The following ELMO1 variants were observed in gnomAD, a reference collection of about 807,000 sequenced individuals.
ELMO1 encodes the protein engulfment and cell motility protein 1.
In ELMO1, 26 loss-of-function variants were observed where a neutral mutation model predicts 98.9. That is an observed-to-expected ratio of 0.26 (90% CI 0.19 to 0.36). The LOEUF is 0.36. Among genes scored for constraint, ELMO1 ranks in the 10% least tolerant of loss-of-function variants. The probability of loss-of-function intolerance (pLI) is 1.00; values close to 1 mark genes in which losing one functional copy is unlikely to be tolerated. For synonymous variants in ELMO1, 346 were observed against 346.0 expected (o/e 1.00, Z 0.00); for missense variants, 627 against 935.2 (o/e 0.67, Z 4.30).
intron 7 of ELMO1, among the ~76,000 whole-genome samples, chr7:37,242,690 G>A (rs1270862765): frequency 6.6e-6 from 1 of 152,204 alleles, no homozygotes; most frequent in African/African-American, 2.4e-5. Context: ...ATTAAAGTGT[G>A]CATTTGCACT....
At chr7:37,134,570 A>AG (rs1412612776) in intron 13 of ELMO1, among the ~76,000 whole-genome samples, 1 of 151,682 alleles carries the variant, frequency 6.6e-6, no homozygotes, top group African/African-American at 2.4e-5. Context: ...AAAAAAAAAA[A>AG]AAAAAGAAGA....
intron 17 of ELMO1, among the ~76,000 whole-genome samples, chr7:36,887,966 C>G (rs1390943635): frequency 6.6e-6 from 1 of 152,150 alleles, no homozygotes; most frequent in Non-Finnish European, 1.5e-5. Context: ...TTTTACAAAG[C>G]CACGGATACA....
rs538542737 is a variant in ELMO1 at position 37,043,477 on chromosome 7, T to C, written c.1301-30042A>G. Among the ~76,000 whole-genome samples the C allele has an allele frequency of 2.0e-3, 312 of 152,236 alleles. 2 individuals carry two copies. Among genetic ancestry groups the C allele is most frequent in the African/African-American group, 7.3e-3 (305 of 41,536 alleles). On this transcript the variant is annotated intron_variant, in intron 15 of 21. Coordinates refer to ENST00000310758, the MANE Select transcript of ELMO1 (RefSeq NM_014800.11). The stretch of plus-strand genomic sequence containing the variant: ...TGGCAAAGCGGCCACACAGGAGGTT[T>C]TGGAGTGATGCAAATGGTCAGATCT...
At chr7:36,954,531 C>G (rs1046161272) in intron 16 of ELMO1, among the ~76,000 whole-genome samples, 11 of 152,142 alleles carry the variant, frequency 7.2e-5, no homozygotes, top group Non-Finnish European at 1.2e-4. Context: ...GATCCTCCCC[C>G]ACAAGCACAA....
At chr7:37,043,814 G>A (rs1283079406) in intron 15 of ELMO1, among the ~76,000 whole-genome samples, 2 of 152,048 alleles carry the variant, frequency 1.3e-5, no homozygotes, top group Non-Finnish European at 2.9e-5. Context: ...AGGAACTGGG[G>A]CCAAAGGCTA....
rs759216782 is a variant in ELMO1, at chr7:36,887,580, A to G, written c.1694T>C (p.Leu565Pro). The G allele has an allele frequency of 6.2e-7, 1 of 1,614,080 alleles. No homozygotes were observed. Residue 565 changes from leucine to proline, a missense_variant, in exon 18 of 22, where the codon CTC becomes CCC. Leu to Pro is a moderately conservative substitution (Grantham distance 98). Coordinates refer to ENST00000310758, the MANE Select transcript of ELMO1 (RefSeq NM_014800.11). ...AATACCTTGCCTCCGCCGGGCATTGAGTTTCCTAAAGCAGGTCCCTTCCAC... is the reference window on the plus strand; with the variant it reads ...AATACCTTGCCTCCGCCGGGCATTGGGTTTCCTAAAGCAGGTCCCTTCCAC... ...RLVEGTCFRKLNARRRQDKFW... is the reference protein window; with the variant it reads ...RLVEGTCFRKPNARRRQDKFW...
intron 13 of ELMO1, among the ~76,000 whole-genome samples, chr7:37,200,065 A>C (rs1045238460): frequency 1.3e-5 from 2 of 152,038 alleles, no homozygotes; most frequent in Non-Finnish European, 2.9e-5. Context: ...ATGTGCAGCT[A>C]CAACTTGTTT....
intron 4 of ELMO1, among the ~76,000 whole-genome samples, chr7:37,297,855 G>T (rs1315627781): frequency 1.3e-5 from 2 of 152,110 alleles, no homozygotes; most frequent in East Asian, 3.8e-4. Context: ...TGTTATGATG[G>T]CTGCTATATA....
At chr7:37,202,597 T>C (rs752966929) in intron 13 of ELMO1, among the ~76,000 whole-genome samples, 8 of 152,262 alleles carry the variant, frequency 5.3e-5, no homozygotes, top group Non-Finnish European at 1.2e-4. Context: ...AGGCAGTTTC[T>C]GGCTTTAAAA....
intron 6 of ELMO1, among the ~76,000 whole-genome samples, chr7:37,256,727 GAA>G (rs1795678454): frequency 5.0e-5 from 2 of 40,288 alleles, no homozygotes; most frequent in South Asian, 1.3e-3. Context: ...GGGGCAGGGG[GAA>G]GGGAAGGGAA....
chr7:37,204,499 G>A (rs1036875018), intron 13 of ELMO1, among the ~76,000 whole-genome samples: 14 of 152,098 alleles, frequency 9.2e-5, no homozygotes, highest in Non-Finnish European at 1.5e-4. Context: ...TCATAAAGGC[G>A]GCACAGACCC....
In ELMO1 at chr7:36,854,687, C is replaced by G. The variant is rs180678558; in HGVS notation, c.*864G>C. On this transcript the variant is annotated 3_prime_UTR_variant, in exon 22 of 22. Transcript: ENST00000310758. ...CCTCCCAGGAGAAGGTAACACCAAACGCTTGGATAGCAACAGTCCGTCCTA... is the reference window on the plus strand; with the variant it reads ...CCTCCCAGGAGAAGGTAACACCAAAGGCTTGGATAGCAACAGTCCGTCCTA... The G allele has an allele frequency of 6.6e-6, 1 of 152,608 alleles. No individual in the cohort carries two copies. Among genetic ancestry groups the G allele is most frequent in the Non-Finnish European group, 1.5e-5 (1 of 68,052 alleles). The allele number at this position is 152,608 out of a possible 1,614,324, so 9.5% of individuals were successfully genotyped here.
In ELMO1 at chr7:37,254,965, AGGTGGAGATGT is replaced by A. The variant is rs1430061079; in HGVS notation, c.413+4205_413+4215del. ...TAGTGAATCTTTTGGACTGTTCTGC[AGGTGGAGATGT>A]GTCATAAAGTAAGGCCACAGCACTG... On this transcript the variant is annotated intron_variant, in intron 6 of 21. Coordinates refer to ENST00000310758, the MANE Select transcript of ELMO1 (RefSeq NM_014800.11). 8.5e-5 allele frequency among the ~76,000 whole-genome samples: 13 copies of A among 152,346 alleles called. No homozygotes were observed. The East Asian group carries it at 2.5e-3, about 29-fold the overall frequency.
intron 14 of ELMO1, among the ~76,000 whole-genome samples, chr7:37,106,880 T>C (rs1055071273): frequency 6.6e-6 from 1 of 152,192 alleles, no homozygotes; most frequent in Non-Finnish European, 1.5e-5. Flanking sequence ...ACAGATCACC[T>C]GGAGACCTTG....
chr7:37,397,733 A>G (rs148886874), intron 1 of ELMO1, among the ~76,000 whole-genome samples: 2,489 of 152,366 alleles, frequency 0.016, 136 homozygotes, highest in East Asian at 0.14. Context: ...CACAATAGCA[A>G]AGACATGGAA....
intron 13 of ELMO1, among the ~76,000 whole-genome samples, chr7:37,143,881 T>C (rs999387570): frequency 6.6e-6 from 1 of 151,778 alleles, no homozygotes. Flanking sequence ...TGGCTAAGTT[T>C]TGTATTTTTA....
intron 1 of ELMO1, among the ~76,000 whole-genome samples, chr7:37,345,963 T>G (rs1262868870): frequency 1.4e-5 from 2 of 142,672 alleles, no homozygotes; most frequent in Admixed American, 7.4e-5. Flanking sequence ...CACTCCAGCC[T>G]GGGCAACAGA....
At chr7:37,332,949 G>T (rs1800212954) in intron 2 of ELMO1, among the ~76,000 whole-genome samples, 1 of 152,134 alleles carries the variant, frequency 6.6e-6, no homozygotes, top group Non-Finnish European at 1.5e-5. Context: ...GGCTAGGACG[G>T]AAAAAGGGTG....
At chr7:37,080,911 C>T (rs550578577) in intron 15 of ELMO1, among the ~76,000 whole-genome samples, 20 of 152,238 alleles carry the variant, frequency 1.3e-4, no homozygotes, top group Non-Finnish European at 2.2e-4. Flanking sequence ...ACTATCTTGG[C>T]CCACTTCCTC....
Sources: gnomAD v4.1 joint callset for allele counts (sites outside exome capture counted in the v4.1 genomes callset) on GRCh38, gnomAD v4.1.1 for gene constraint, MANE v1.5 for transcripts, NCBI Gene and HGNC (gene_info 2026-07-23, HGNC 2026-07-21) for gene names.